Variants in MFSD11 observed in about 807,000 individuals in gnomAD.
MFSD11 encodes the protein UNC93-like protein MFSD11.
In MFSD11, 36 loss-of-function variants were observed where a neutral mutation model predicts 53.5. The ratio of observed to expected loss-of-function variants is 0.67; its 90% CI spans 0.52 to 0.89. The LOEUF is 0.89. Among genes scored for constraint, MFSD11 ranks in the 40% least tolerant of loss-of-function variants. The pLI is 0.00. For missense variants in MFSD11, 530 were observed against 543.9 expected, an observed-to-expected ratio of 0.97 and a Z score of 0.25; for synonymous variants, 186 against 184.9, an observed-to-expected ratio of 1.01 and a Z score of -0.05.
the MFSD11 span, among the ~76,000 whole-genome samples, chr17:76,795,319 CAA>C: frequency 2.9e-4 from 34 of 116,256 alleles, 1 homozygote; most frequent in East Asian, 2.4e-3. Context: ...CTGTTTCTAC[CAA>C]AAAAAAAAAA....
the MFSD11 span, among the ~76,000 whole-genome samples, chr17:76,789,503 C>T: frequency 8.6e-4 from 129 of 150,162 alleles, 9 homozygotes; most frequent in South Asian, 0.014. Context: ...ATGTTTGAAC[C>T]GACTCGCCTA....
At chr17:76,743,967 T>TGAG (rs2078323729) in intron 6 of MFSD11, among the ~76,000 whole-genome samples, 1 of 152,214 alleles carries the variant, frequency 6.6e-6, no homozygotes, top group Admixed American at 6.5e-5. Context: ...TTTAAGGGGC[T>TGAG]TCTCAGGGTC....
At chr17:76,738,014 A>C, upstream of MFSD11, 1 of 334,456 alleles carries the variant, frequency 3.0e-6, no homozygotes, top group African/African-American at 2.1e-5. Flanking sequence ...TCAGGCTGGG[A>C]GGGCGGGGCC....
chr17:76,738,486 A>G, intron 1 of MFSD11, 38 bp downstream of exon 1: 2 of 1,409,002 alleles, frequency 1.4e-6, no homozygotes, highest in African/African-American at 2.8e-5. Flanking sequence ...TGAAGTGCCC[A>G]TCATAATGCA....
chr17:76,756,907 A>AG (rs2079701798), intron 8 of MFSD11, among the ~76,000 whole-genome samples: 1 of 151,916 alleles, frequency 6.6e-6, no homozygotes, highest in African/African-American at 2.4e-5. Context: ...CAGAGGCCAG[A>AG]GGGGAAAAGG....
chr17:76,783,057 AT>A (rs759762712), downstream of MFSD11, among the ~76,000 whole-genome samples: 10 of 151,548 alleles, frequency 6.6e-5, no homozygotes, highest in Non-Finnish European at 1.3e-4. Context: ...GGAGCCTGTA[AT>A]CCCAGCTACT....
chr17:76,762,872 CTTT>C (rs557000394), intron 8 of MFSD11, among the ~76,000 whole-genome samples: 1 of 144,040 alleles, frequency 6.9e-6, no homozygotes, highest in African/African-American at 2.5e-5. Context: ...CCCCACATTC[CTTT>C]TTTTTTTTTT....
chr17:76,739,601 T>A (rs1358554549), intron 2 of MFSD11, among the ~76,000 whole-genome samples: 1 of 152,150 alleles, frequency 6.6e-6, no homozygotes. Context: ...CAAATGAAAA[T>A]TGCCTGTTAT....
intron 8 of MFSD11, among the ~76,000 whole-genome samples, chr17:76,766,322 G>A (rs1359744156): frequency 6.6e-6 from 1 of 151,282 alleles, no homozygotes; most frequent in Non-Finnish European, 1.5e-5. Context: ...AGGAGGCTGA[G>A]GCAGGAGAAT....
the MFSD11 span, among the ~76,000 whole-genome samples, chr17:76,800,607 A>G: frequency 3.3e-5 from 5 of 152,190 alleles, no homozygotes; most frequent in South Asian, 2.1e-4. Context: ...AAGCCCTTTA[A>G]TGGTACATTA....
chr17:76,743,046 TG>T (rs1417336809), intron 5 of MFSD11, among the ~76,000 whole-genome samples: 1 of 152,248 alleles, frequency 6.6e-6, no homozygotes, highest in Non-Finnish European at 1.5e-5. Flanking sequence ...AACTAAATCA[TG>T]GATTTTTAGA....
rs1383591577 is a variant in MFSD11 at position 76,740,946 on chromosome 17, T to C, written c.153-11T>C. The C allele has an allele frequency of 6.7e-6, 10 of 1,484,890 alleles. No homozygotes were observed. Among genetic ancestry groups the C allele is most frequent in the Non-Finnish European group, 8.4e-6 (9 of 1,070,878 alleles). 92.0% of individuals were successfully genotyped at this position (1,484,890 alleles called of 1,614,324 possible). A position where few individuals can be genotyped will look rare whatever the true frequency, so the allele number is the denominator to read the frequency against. On this transcript the variant is annotated splice_polypyrimidine_tract_variant and intron_variant, in intron 2 of 12. Transcript: ENST00000685175. Reference sequence around the variant, plus strand: ...TTTTTTTTTTTTTCCGTTTGTGTATTATGTGTGCAGCATGGCTATTATCTA... The same window carrying C: ...TTTTTTTTTTTTTCCGTTTGTGTATCATGTGTGCAGCATGGCTATTATCTA...
intron 10 of MFSD11, among the ~76,000 whole-genome samples, chr17:76,770,755 A>G (rs898991857): frequency 6.6e-6 from 1 of 152,206 alleles, no homozygotes. Context: ...ATTATAAAGG[A>G]TACAGATGAG....
chr17:76,738,554 T>C, intron 1 of MFSD11, 106 bp downstream of exon 1: 2 of 791,234 alleles, frequency 2.5e-6, no homozygotes, highest in Non-Finnish European at 4.1e-6. Context: ...ATTGCATCTT[T>C]CATTTTTCCC....
At chr17:76,773,570 G>GT (rs975392565) in intron 10 of MFSD11, among the ~76,000 whole-genome samples, 2 of 151,966 alleles carry the variant, frequency 1.3e-5, no homozygotes, top group Non-Finnish European at 2.9e-5. Context: ...TCTAGGCAGG[G>GT]TTTTTTTGTT....
chr17:76,774,969 G>A (rs1293301694), intron 10 of MFSD11, 28 bp from the exon 11 acceptor site: 5 of 1,604,758 alleles, frequency 3.1e-6, no homozygotes, highest in Non-Finnish European at 4.3e-6. Flanking sequence ...GGCAACATTA[G>A]TGACGTTTCT....
chr17:76,749,526 T>A (rs1210694447), intron 7 of MFSD11, among the ~76,000 whole-genome samples: 1 of 15,572 alleles, frequency 6.4e-5, no homozygotes, highest in African/African-American at 2.1e-4. Flanking sequence ...GGAGAGAGCC[T>A]GTCTCAAAAA....
chr17:76,751,542 C>T (rs2079049630), intron 7 of MFSD11, among the ~76,000 whole-genome samples: 3 of 151,122 alleles, frequency 2.0e-5, no homozygotes, highest in African/African-American at 7.3e-5. Context: ...ATTTAAAAAT[C>T]ATGCCTGTCT....
At chr17:76,779,736 CG>C (rs1275643389), downstream of MFSD11, among the ~76,000 whole-genome samples, 1 of 152,172 alleles carries the variant, frequency 6.6e-6, no homozygotes, top group Non-Finnish European at 1.5e-5. Context: ...TCACCTGCCT[CG>C]GCCTCCCAAA....
Sources: gnomAD v4.1 joint callset for allele counts (sites outside exome capture counted in the v4.1 genomes callset) on GRCh38, gnomAD v4.1.1 for gene constraint, MANE v1.5 for transcripts, NCBI Gene and HGNC (gene_info 2026-07-23, HGNC 2026-07-21) for gene names.